CDK14: variants seen among roughly 807,000 people sequenced by gnomAD.
The protein encoded by CDK14 is cyclin dependent kinase 14, also known as cyclin-dependent kinase 14.
A neutral mutation model predicts 60.7 loss-of-function variants in CDK14; 34 were observed. The ratio of observed to expected loss-of-function variants is 0.56; its 90% confidence interval spans 0.43 to 0.75. The LOEUF (loss-of-function observed/expected upper bound fraction) is 0.75, where lower values mean the gene tolerates loss of function less well. Ranked by LOEUF, CDK14 falls within the 30% of genes least tolerant of loss-of-function variation. The pLI, the probability that CDK14 is intolerant of heterozygous loss-of-function variation, is 0.00. For synonymous variants in CDK14, 197 were observed against 203.7 expected, an observed-to-expected ratio of 0.97 and a Z score of 0.28; for missense variants, 482 against 564.1, an observed-to-expected ratio of 0.85 and a Z score of 1.47.
intron 11 of CDK14, among the ~76,000 whole-genome samples, chr7:91,057,642 A>C (rs371299497): frequency 1.3e-5 from 2 of 152,082 alleles, no homozygotes; most frequent in Non-Finnish European, 2.9e-5. Flanking sequence ...AGTTTTCCCA[A>C]CACCATTTAT....
In CDK14 at chr7:91,174,211, C is replaced by T. The variant is rs944352074; in HGVS notation, c.*29-32954C>T. Reference sequence around the variant, plus strand: ...AGCAGGGGCACACTGACACCTCACACGGCAGGGTATTCCAACAGACCTGCA... The same window carrying T: ...AGCAGGGGCACACTGACACCTCACATGGCAGGGTATTCCAACAGACCTGCA... On this transcript the variant is annotated intron_variant, in intron 14 of 14. Transcript: ENST00000380050. 1.0e-3 allele frequency among the ~76,000 whole-genome samples: 153 copies of T among 152,048 alleles called. 1 individual carries two copies. Among genetic ancestry groups the T allele is most frequent in the Middle Eastern group, 3.4e-3 (1 of 294 alleles).
intron 9 of CDK14, among the ~76,000 whole-genome samples, chr7:90,976,960 C>T (rs1795090267): frequency 6.6e-6 from 1 of 152,012 alleles, no homozygotes; most frequent in South Asian, 2.1e-4. Flanking sequence ...GATATAATCC[C>T]ATTTGTTTAT....
At chr7:91,096,705 A>G (rs986326530) in intron 12 of CDK14, among the ~76,000 whole-genome samples, 1 of 152,198 alleles carries the variant, frequency 6.6e-6, no homozygotes, top group Non-Finnish European at 1.5e-5. Flanking sequence ...TGCTGGGTGC[A>G]GCAGACTTTA....
At chr7:90,983,432 C>T (rs977313539) in intron 9 of CDK14, among the ~76,000 whole-genome samples, 3 of 152,124 alleles carry the variant, frequency 2.0e-5, no homozygotes, top group African/African-American at 7.2e-5. Context: ...GTAGTCCCAG[C>T]ACTTTGGGAG....
intron 8 of CDK14, among the ~76,000 whole-genome samples, chr7:90,944,040 A>G (rs941792490): frequency 6.6e-6 from 1 of 152,118 alleles, no homozygotes; most frequent in African/African-American, 2.4e-5. Flanking sequence ...GTGGATTGTT[A>G]TAAACTGAGG....
At chr7:91,057,810 C>A (rs1797632939) in intron 11 of CDK14, among the ~76,000 whole-genome samples, 1 of 152,000 alleles carries the variant, frequency 6.6e-6, no homozygotes, top group Non-Finnish European at 1.5e-5. Context: ...TTACTGTAGC[C>A]TTGTAGTATA....
chr7:90,856,461 C>CA (rs1242509483), intron 5 of CDK14, among the ~76,000 whole-genome samples: 2 of 152,032 alleles, frequency 1.3e-5, no homozygotes, highest in Non-Finnish European at 2.9e-5. Flanking sequence ...AGATTGATCA[C>CA]AGTCACAGTG....
At position 91,022,478 on chromosome 7, in the gene CDK14, C is replaced by CTTAT. The variant is rs1395905512; in HGVS notation, c.1042-23416_1042-23413dup. Among the ~76,000 whole-genome samples the CTTAT allele has an allele frequency of 2.0e-5, 3 of 152,232 alleles. No individual in the cohort carries two copies. In the South Asian group the frequency reaches 6.2e-4, roughly 32 times the overall value. The stretch of plus-strand genomic sequence containing the variant: ...TATATTTTACGTATTTATTTACTTG[C>CTTAT]TTATTTCTCATGCATTTTTTAAGTA... On this transcript the variant is annotated intron_variant, in intron 10 of 14. Coordinates refer to ENST00000380050, the MANE Select transcript of CDK14 (RefSeq NM_001287135.2).
At chr7:91,044,364 C>A (rs374442540) in intron 10 of CDK14, among the ~76,000 whole-genome samples, 5 of 152,216 alleles carry the variant, frequency 3.3e-5, no homozygotes, top group South Asian at 2.1e-4. Flanking sequence ...AAGGGGTTAC[C>A]AAAAGGGTGG....
intron 6 of CDK14, among the ~76,000 whole-genome samples, chr7:90,879,867 G>C (rs1791686644): frequency 6.6e-6 from 1 of 151,784 alleles, no homozygotes; most frequent in African/African-American, 2.4e-5. Flanking sequence ...AAGCAACACG[G>C]GAAAGGGGAG....
At position 90,668,696 on chromosome 7, in the gene CDK14, A is replaced by ATTATTTTTTTTTTTTTT. The variant is rs1554431005; in HGVS notation, c.124-57869_124-57868insATTTTTTTTTTTTTTTT. ...TTATATGGTGTAAGGAAGGACTCGC[A>ATTATTTTTTTTTTTTTT]TTCTTTTTTTTTTTTTTTTTTTTTT... On this transcript the variant is annotated intron_variant, in intron 2 of 14. Transcript: ENST00000380050. Among the ~76,000 whole-genome samples the ATTATTTTTTTTTTTTTT allele has an allele frequency of 3.3e-3, 224 of 68,416 alleles. 14 individuals are homozygous for ATTATTTTTTTTTTTTTT. The highest frequency in any genetic ancestry group is 0.011 in the Middle Eastern group (1 of 94). The allele number at this position is 68,416 out of a possible 152,430, so 44.9% of individuals were successfully genotyped here.
intron 10 of CDK14, among the ~76,000 whole-genome samples, chr7:91,033,648 T>A (rs1796828878): frequency 6.6e-6 from 1 of 152,156 alleles, no homozygotes; most frequent in South Asian, 2.1e-4. Flanking sequence ...TGCTTACAGG[T>A]TTCTCCCTGT....
At chr7:90,816,914 T>C (rs1789377611) in intron 5 of CDK14, among the ~76,000 whole-genome samples, 1 of 152,158 alleles carries the variant, frequency 6.6e-6, no homozygotes, top group Admixed American at 6.5e-5. Context: ...AGCGAGTAGG[T>C]AGTTTGAACT....
intron 14 of CDK14, among the ~76,000 whole-genome samples, chr7:91,195,814 C>T (rs1802517547): frequency 6.6e-6 from 1 of 152,174 alleles, no homozygotes; most frequent in Non-Finnish European, 1.5e-5. Flanking sequence ...TCCAACACCT[C>T]CTCTCTGCAT....
chr7:90,933,872 G>A (rs1045113498), intron 8 of CDK14, among the ~76,000 whole-genome samples: 10 of 152,244 alleles, frequency 6.6e-5, no homozygotes, highest in African/African-American at 2.4e-4. Context: ...AGCAAAGCTG[G>A]AGAGTAGATT....
chr7:91,160,246 TCC>T (rs1801127070), intron 14 of CDK14, among the ~76,000 whole-genome samples: 1 of 152,192 alleles, frequency 6.6e-6, no homozygotes, highest in African/African-American at 2.4e-5. Flanking sequence ...GGCTCTGCCT[TCC>T]CCATCATCAG....
chr7:90,767,941 C>G (rs1262595240), intron 4 of CDK14, among the ~76,000 whole-genome samples: 1 of 152,208 alleles, frequency 6.6e-6, no homozygotes, highest in Non-Finnish European at 1.5e-5. Flanking sequence ...CTTTGAAACT[C>G]TTGCCAATTT....
At chr7:91,198,387 T>C (rs1802617959) in intron 14 of CDK14, among the ~76,000 whole-genome samples, 2 of 152,002 alleles carry the variant, frequency 1.3e-5, no homozygotes, top group African/African-American at 4.8e-5. Context: ...GATGTAAGGG[T>C]TGAGGCTGCC....
At chr7:91,158,189 TATA>T (rs1801046872) in intron 14 of CDK14, among the ~76,000 whole-genome samples, 2 of 148,142 alleles carry the variant, frequency 1.4e-5, no homozygotes, top group African/African-American at 4.9e-5. Context: ...ATACATAAAA[TATA>T]TATAATATAT....
Sources: allele counts gnomAD v4.1 joint callset (sites outside exome capture counted in the v4.1 genomes callset), GRCh38; gene constraint gnomAD v4.1.1; transcripts MANE v1.5; gene names NCBI Gene and HGNC (gene_info 2026-07-23, HGNC 2026-07-21).